Variants in MASP1 observed in about 807,000 individuals in gnomAD.
MASP1 encodes the protein MBL associated serine protease 1.
Under a neutral mutation model 77.1 loss-of-function variants are expected in MASP1, and 59 were observed. That is an observed-to-expected ratio of 0.77 (90% CI 0.62 to 0.95). The LOEUF (loss-of-function observed/expected upper bound fraction) is 0.95. Among genes scored for constraint, MASP1 ranks in the 40% least tolerant of loss-of-function variants. MASP1 has a pLI of 0.00. For missense variants in MASP1, 885 were observed against 912.9 expected (o/e 0.97, Z 0.39); for synonymous variants, 362 against 354.5 (o/e 1.02, Z -0.24).
intron 2 of MASP1, among the ~76,000 whole-genome samples, chr3:187,270,499 C>T (rs1305363607): frequency 6.6e-6 from 1 of 152,124 alleles, no homozygotes; most frequent in African/African-American, 2.4e-5. Context: ...AGTAATTTAA[C>T]ATCCACTGAC....
chr3:187,225,299 CAG>C lies in MASP1; in HGVS notation c.1741+23_1741+24del, dbSNP rs1303622852. On this transcript the variant is annotated intron_variant, in intron 13 of 15. Transcript: ENST00000337774. ...CCTTGTGGAGGCACCAGCTGCCCTGCAGAGGTGGAGGTAGGGGAAAGTACCTT... is the reference window on the plus strand; with the variant it reads ...CCTTGTGGAGGCACCAGCTGCCCTGCAGGTGGAGGTAGGGGAAAGTACCTT... 3.1e-6 allele frequency: 5 copies of C among 1,611,822 alleles called. No individual in the cohort carries two copies. In the African/African-American group the frequency reaches 4.0e-5, roughly 13 times the overall value.
intron 12 of MASP1, chr3:187,225,548 G>A: frequency 6.2e-7 from 1 of 1,604,518 alleles, no homozygotes; most frequent in South Asian, 1.1e-5. Flanking sequence ...GGGTGCAATG[G>A]AGGATAAGGT....
intron 7 of MASP1, among the ~76,000 whole-genome samples, chr3:187,251,041 C>T (rs2108539681): frequency 6.6e-6 from 1 of 152,316 alleles, no homozygotes; most frequent in South Asian, 2.1e-4. Flanking sequence ...TCACTGCAAC[C>T]TCTGCCTCCT....
intron 7 of MASP1, among the ~76,000 whole-genome samples, chr3:187,250,729 G>A (rs182549339): frequency 9.1e-4 from 139 of 152,248 alleles, no homozygotes; most frequent in African/African-American, 3.0e-3. Flanking sequence ...CCAAGCATTT[G>A]CATTTCTAAC....
chr3:187,252,227 T>G (rs1311450612), intron 6 of MASP1, among the ~76,000 whole-genome samples: 1 of 152,160 alleles, frequency 6.6e-6, no homozygotes, highest in Non-Finnish European at 1.5e-5. Flanking sequence ...GCTCAATGCC[T>G]CCCTAACCTT....
Position 187,234,406 on chromosome 3 carries a change from A to C in MASP1, c.*1278T>G. ...CAGTCAGGGAAGCTCTGAGTGCTCCAGCTAGAAGGAACCTGCAGGGGACCT... is the reference window on the plus strand; with the variant it reads ...CAGTCAGGGAAGCTCTGAGTGCTCCCGCTAGAAGGAACCTGCAGGGGACCT... On this transcript the variant is annotated 3_prime_UTR_variant, in exon 11 of 11. Transcript: ENST00000296280. 4 of 1,287,244 alleles carry C rather than the reference A, an allele frequency of 3.1e-6. No homozygotes were observed. The highest frequency in any genetic ancestry group is 4.0e-6 in the Non-Finnish European group (4 of 988,670). 79.7% of individuals were successfully genotyped at this position (1,287,244 alleles called of 1,614,324 possible).
At chr3:187,226,639 G>A (rs2108503984) in intron 11 of MASP1, 1 of 718,262 alleles carries the variant, frequency 1.4e-6, no homozygotes, top group South Asian at 1.5e-5. Context: ...AAATGGCCAT[G>A]CTTCTCTCCA....
chr3:187,225,360 T>A, exon 13 of MASP1: 1 of 1,613,700 alleles, frequency 6.2e-7, no homozygotes. Context: ...CAGATGGGCA[T>A]CACGAAGGCA....
chr3:187,229,813 A>G (rs774661469), downstream of MASP1: 14 of 1,613,996 alleles, frequency 8.7e-6, no homozygotes, highest in Non-Finnish European at 8.5e-6. Context: ...CAGCATGGCA[A>G]TCCAGGGAGT....
chr3:187,218,985 A>G (rs556353391), exon 16 of MASP1: 5 of 152,420 alleles, frequency 3.3e-5, no homozygotes, highest in South Asian at 2.1e-4. Context: ...CATGCAGCCC[A>G]GTTTCCCAAG....
Position 187,236,117 on chromosome 3 carries a change from TG to T in MASP1, c.1753del (p.His585ThrfsTer16). The T allele has an allele frequency of 6.2e-7, 1 of 1,613,872 alleles. No homozygotes were observed. The highest frequency in any genetic ancestry group is 1.1e-5 in the South Asian group (1 of 91,076). On this transcript the variant is annotated frameshift_variant, in exon 11 of 11. Coordinates refer to ENST00000296280, the MANE Select transcript of MASP1 (RefSeq NM_139125.4). LOFTEE classifies it high-confidence loss of function. ...CCAGCCGGCCACCAGGCCCAGCATG[TG>T]GGGGGCCGGGCCTTCAGGCTCAAGC... ...PRLEPEGPAP[H>X]MLGLVAGWGI...
At chr3:187,221,279 A>G in intron 14 of MASP1, 2 of 688,700 alleles carry the variant, frequency 2.9e-6, no homozygotes, top group South Asian at 3.0e-5. Flanking sequence ...GCCCCATGCT[A>G]CAGGTGAAGG....
chr3:187,220,942 C>A (rs994374893), intron 15 of MASP1: 2 of 1,021,116 alleles, frequency 2.0e-6, no homozygotes, highest in Non-Finnish European at 3.1e-6. Flanking sequence ...CACTGCCAGC[C>A]CACCAGGTTG....
rs374911697 is a variant in MASP1 at position 187,255,158 on chromosome 3, G to A, written c.744+1506C>T. Among the ~76,000 whole-genome samples, 56 of 152,270 alleles carry A rather than the reference G, an allele frequency of 3.7e-4. No individual in the cohort carries two copies. In the South Asian group the frequency reaches 0.01, roughly 28 times the overall value. The stretch of plus-strand genomic sequence containing the variant: ...CTGGGTGGGCCTAACCCAATCACAC[G>A]AGCCCATTCAACACAGTTTCCTCCT... On this transcript the variant is annotated intron_variant, in intron 5 of 10. Coordinates refer to ENST00000296280, the MANE Select transcript of MASP1 (RefSeq NM_139125.4).
intron 2 of MASP1, among the ~76,000 whole-genome samples, chr3:187,279,232 T>A (rs1166293137): frequency 6.6e-6 from 1 of 152,218 alleles, no homozygotes; most frequent in African/African-American, 2.4e-5. Context: ...ATTCACTTTC[T>A]TTACTGTAAA....
intron 8 of MASP1, among the ~76,000 whole-genome samples, chr3:187,248,194 C>T (rs939007522): frequency 6.6e-6 from 1 of 152,166 alleles, no homozygotes; most frequent in Non-Finnish European, 1.5e-5. Flanking sequence ...TTTCTCTTTA[C>T]TACAAAATGA....
Position 187,251,667 on chromosome 3 carries a change from G to A in MASP1, c.978C>T (p.Leu326=), listed in dbSNP as rs368131756. 7.4e-6 allele frequency: 12 copies of A among 1,614,034 alleles called. No individual in the cohort carries two copies. The highest frequency in any genetic ancestry group is 3.3e-5 in the South Asian group (3 of 91,076). The part of the protein sequence containing the change: ...QAKYFFKDQV[L]VSCDTGYKVL... ...CTTTGTAGCCTGTGTCACAGCTGAC[G>A]AGCACTTGGTCTTTGAAGAAATACT... The change falls in exon 7 of 11, where the codon CTC becomes CTT. Residue 326 remains leucine (L), a synonymous_variant. Coordinates refer to ENST00000296280, the MANE Select transcript of MASP1 (RefSeq NM_139125.4).
At chr3:187,220,227 G>A (rs1711959580) in exon 16 of MASP1, 1 of 1,614,148 alleles carries the variant, frequency 6.2e-7, no homozygotes, top group South Asian at 1.1e-5. Context: ...TCACCATGGG[G>A]CCTCCAGAGT....
chr3:187,228,876 G>A lies in MASP1; in HGVS notation c.1441+884C>T, dbSNP rs528538459. Among the ~76,000 whole-genome samples the A allele has an allele frequency of 9.8e-5, 15 of 152,290 alleles. No individual in the cohort carries two copies. In the South Asian group the frequency reaches 2.9e-3, roughly 29 times the overall value. ...TTTATGTAGCCCTGGTGCTTTGGCT[G>A]CAGCTCTAGCCCAGACCTGATGCCT... On this transcript the variant is annotated intron_variant, in intron 11 of 15. Transcript: ENST00000337774.
Sources: allele counts gnomAD v4.1 joint callset (sites outside exome capture counted in the v4.1 genomes callset), GRCh38; gene constraint gnomAD v4.1.1; transcripts MANE v1.5; gene names NCBI Gene and HGNC (gene_info 2026-07-23, HGNC 2026-07-21).